The following CLSTN2 variants were observed in gnomAD, a reference collection of about 807,000 sequenced individuals.
The protein encoded by CLSTN2 is calsyntenin-2.
CLSTN2 carries 48 observed loss-of-function variants against 101.2 expected under a neutral mutation model. The observed-to-expected ratio is 0.47, with a 90% CI of 0.38 to 0.60. The LOEUF is 0.60. CLSTN2 is among the 20% of genes least tolerant of loss of function. The pLI is 0.00. For synonymous variants in CLSTN2, 481 were observed against 463.6 expected (o/e 1.04, Z -0.48); for missense variants, 1,160 against 1,238.2 (o/e 0.94, Z 0.95).
At chr3:140,429,057 T>C in intron 5 of CLSTN2, among the ~76,000 whole-genome samples, 1 of 152,150 alleles carries the variant, frequency 6.6e-6, no homozygotes, top group South Asian at 2.1e-4. Flanking sequence ...ACTTTTGTGT[T>C]GAAAAGACAG....
chr3:140,381,701 C>T (rs1576541622), intron 2 of CLSTN2, among the ~76,000 whole-genome samples: 1 of 152,170 alleles, frequency 6.6e-6, no homozygotes, highest in East Asian at 1.9e-4. Context: ...TCTGAGTGTA[C>T]CACACCAGCA....
chr3:140,327,172 C>T (rs2087340433), intron 2 of CLSTN2, among the ~76,000 whole-genome samples: 1 of 152,116 alleles, frequency 6.6e-6, no homozygotes, highest in Non-Finnish European at 1.5e-5. Context: ...GCTGAATGAG[C>T]CAGGGTTAAT....
At chr3:140,078,887 G>C (rs2008539514) in intron 1 of CLSTN2, among the ~76,000 whole-genome samples, 1 of 152,106 alleles carries the variant, frequency 6.6e-6, no homozygotes, top group Non-Finnish European at 1.5e-5. Flanking sequence ...ATGTTGTGTT[G>C]ATCAAAGCTA....
At chr3:140,459,495 A>T (rs1177632068) in intron 6 of CLSTN2, 26 bp from the exon 7 acceptor site, 1 of 1,611,876 alleles carries the variant, frequency 6.2e-7, no homozygotes, top group South Asian at 1.1e-5. Flanking sequence ...ATGACCTGTT[A>T]TCCTTTCTTT....
At chr3:140,131,405 T>G (rs551866888) in intron 1 of CLSTN2, among the ~76,000 whole-genome samples, 2 of 151,980 alleles carry the variant, frequency 1.3e-5, no homozygotes, top group Non-Finnish European at 2.9e-5. Context: ...TATTCTTGCT[T>G]TCTTCTGAAA....
intron 2 of CLSTN2, among the ~76,000 whole-genome samples, chr3:140,391,029 G>A (rs1348161357): frequency 6.6e-6 from 1 of 152,178 alleles, no homozygotes; most frequent in Non-Finnish European, 1.5e-5. Flanking sequence ...TCTGGTCTCG[G>A]TTCAAAAGGC....
chr3:140,200,602 G>A (rs1003775348), intron 2 of CLSTN2, among the ~76,000 whole-genome samples: 11 of 152,128 alleles, frequency 7.2e-5, no homozygotes, highest in Admixed American at 5.2e-4. Flanking sequence ...ATATTGACAC[G>A]CACAATCCTG....
chr3:140,534,100 G>A (rs1935314029), intron 9 of CLSTN2, among the ~76,000 whole-genome samples: 1 of 152,104 alleles, frequency 6.6e-6, no homozygotes, highest in Admixed American at 6.5e-5. Flanking sequence ...TAGTATAGCA[G>A]GGCAGTGATT....
At chr3:140,465,273 C>G (rs775791405) in intron 7 of CLSTN2, among the ~76,000 whole-genome samples, 1 of 152,192 alleles carries the variant, frequency 6.6e-6, no homozygotes, top group African/African-American at 2.4e-5. Flanking sequence ...GTAAGTGTAT[C>G]CATTTTACAT....
intron 2 of CLSTN2, among the ~76,000 whole-genome samples, chr3:140,180,333 A>G (rs1264930751): frequency 6.6e-6 from 1 of 152,050 alleles, no homozygotes; most frequent in Non-Finnish European, 1.5e-5. Context: ...TTTCCTTTTC[A>G]TCTCTGCCCT....
intron 1 of CLSTN2, among the ~76,000 whole-genome samples, chr3:139,937,571 TACTAAAAAAAA>T (rs1935046524): frequency 7.6e-6 from 1 of 130,850 alleles, no homozygotes; most frequent in African/African-American, 3.2e-5. Flanking sequence ...ACCCCGTCTC[TACTAAAAAAAA>T]AAAAAAAAAA....
At chr3:140,422,917 G>C (rs961012922) in intron 5 of CLSTN2, among the ~76,000 whole-genome samples, 8 of 152,202 alleles carry the variant, frequency 5.3e-5, no homozygotes, top group African/African-American at 1.7e-4. Flanking sequence ...AAAGGTATAT[G>C]AGTTAAGAAG....
intron 2 of CLSTN2, among the ~76,000 whole-genome samples, chr3:140,310,924 G>A (rs1414060492): frequency 1.3e-5 from 2 of 152,146 alleles, no homozygotes; most frequent in African/African-American, 4.8e-5. Context: ...GGTGCTGCAG[G>A]TTCAAGAACA....
At chr3:140,481,827 A>G (rs1934123547) in intron 8 of CLSTN2, among the ~76,000 whole-genome samples, 1 of 152,250 alleles carries the variant, frequency 6.6e-6, no homozygotes, top group Non-Finnish European at 1.5e-5. Context: ...GAAGTTGCCT[A>G]TCGGCTTAAG....
At chr3:140,518,768 C>T (rs907337275) in intron 8 of CLSTN2, among the ~76,000 whole-genome samples, 6 of 152,190 alleles carry the variant, frequency 3.9e-5, no homozygotes, top group Admixed American at 6.5e-5. Flanking sequence ...AAGTTCACGA[C>T]GTGAGCCTCC....
intron 1 of CLSTN2, among the ~76,000 whole-genome samples, chr3:140,167,210 G>A (rs1576452740): frequency 6.6e-6 from 1 of 152,308 alleles, no homozygotes; most frequent in East Asian, 1.9e-4. Flanking sequence ...ACTGTGGCTG[G>A]CCTTGCTCCT....
chr3:140,087,634 G>A (rs1186082315), intron 1 of CLSTN2, among the ~76,000 whole-genome samples: 1 of 152,158 alleles, frequency 6.6e-6, no homozygotes, highest in African/African-American at 2.4e-5. Context: ...GTTGTGCTTT[G>A]AGAGTCAAAT....
intron 8 of CLSTN2, among the ~76,000 whole-genome samples, chr3:140,496,820 T>C (rs114185406): frequency 0.025 from 3,846 of 152,130 alleles, 151 homozygotes; most frequent in African/African-American, 0.087. Context: ...ACAAGCAGTC[T>C]AGCCGGGCGC....
intron 1 of CLSTN2, among the ~76,000 whole-genome samples, chr3:140,173,552 C>T (rs888231564): frequency 7.9e-5 from 12 of 152,332 alleles, no homozygotes; most frequent in South Asian, 2.1e-4. Context: ...GTGGGGGCTC[C>T]GACCCCACAT....
Sources: gnomAD v4.1 joint callset for allele counts (sites outside exome capture counted in the v4.1 genomes callset) on GRCh38, gnomAD v4.1.1 for gene constraint, MANE v1.5 for transcripts, NCBI Gene and HGNC (gene_info 2026-07-23, HGNC 2026-07-21) for gene names.